WDPCP: variants seen among roughly 807,000 people sequenced by gnomAD.
WDPCP encodes the protein WD repeat containing planar cell polarity effector.
WDPCP carries 71 observed loss-of-function variants against 93.1 expected under a neutral mutation model. That is an observed-to-expected ratio of 0.76 (90% confidence interval 0.63 to 0.93). WDPCP has a LOEUF of 0.93. Ranked by LOEUF, WDPCP falls within the 40% of genes least tolerant of loss-of-function variation. WDPCP has a pLI of 0.00. For missense variants in WDPCP, 844 were observed against 887.4 expected, an observed-to-expected ratio of 0.95 and a Z score of 0.62; for synonymous variants, 315 against 315.0, an observed-to-expected ratio of 1.00 and a Z score of 0.00.
intron 9 of WDPCP, among the ~76,000 whole-genome samples, chr2:63,419,233 C>T (rs532851315): frequency 6.6e-6 from 1 of 152,306 alleles, no homozygotes; most frequent in South Asian, 2.1e-4. Flanking sequence ...ACCTCCACCT[C>T]CCGGGTTCAA....
At chr2:63,593,530 C>A (rs539495861), upstream of WDPCP, 11 of 470,878 alleles carry the variant, frequency 2.3e-5, no homozygotes, top group Non-Finnish European at 4.8e-5. Flanking sequence ...CTTGTTTCGT[C>A]TCAGAGACGT....
intron 1 of WDPCP, among the ~76,000 whole-genome samples, chr2:63,572,481 T>C (rs1293098091): frequency 6.6e-6 from 1 of 151,728 alleles, no homozygotes; most frequent in African/African-American, 2.4e-5. Flanking sequence ...GGTGGGCGGA[T>C]CACCTGAGGT....
intron 1 of WDPCP, among the ~76,000 whole-genome samples, chr2:63,528,715 TA>T (rs1330056434): frequency 6.6e-6 from 1 of 152,216 alleles, no homozygotes; most frequent in Admixed American, 6.5e-5. Flanking sequence ...TTTGGTTACA[TA>T]CGAACTTTAA....
intron 10 of WDPCP, 84 bp downstream of exon 10, chr2:63,403,964 C>A (rs908410586): frequency 5.7e-6 from 9 of 1,572,612 alleles, no homozygotes; most frequent in South Asian, 2.3e-5. Flanking sequence ...GAAAAATCTA[C>A]ATTCTAAGAA....
intron 14 of WDPCP, among the ~76,000 whole-genome samples, chr2:63,212,374 A>G (rs918488257): frequency 2.6e-5 from 4 of 152,234 alleles, no homozygotes; most frequent in Non-Finnish European, 4.4e-5. Flanking sequence ...AATAAGCTTC[A>G]TAAGTGCAGG....
intron 2 of WDPCP, among the ~76,000 whole-genome samples, chr2:63,775,018 T>C (rs541333325): frequency 7.9e-5 from 12 of 152,174 alleles, no homozygotes; most frequent in East Asian, 1.9e-4. Context: ...TGTTAGGCAA[T>C]AGCCTTTGCA....
chr2:63,123,167 A>G (rs1390691848), intron 17 of WDPCP, among the ~76,000 whole-genome samples: 3 of 152,118 alleles, frequency 2.0e-5, no homozygotes, highest in Admixed American at 2.0e-4. Flanking sequence ...ATTTAAAAAG[A>G]AAACTAAGCA....
chr2:63,597,696 T>C (rs1709344228), intron 3 of WDPCP: 35 of 860,900 alleles, frequency 4.1e-5, no homozygotes, highest in Non-Finnish European at 5.4e-5. Flanking sequence ...CATCAGTAAA[T>C]ACGGCTCTAG....
intron 2 of WDPCP, among the ~76,000 whole-genome samples, chr2:63,796,835 G>T (rs1670624767): frequency 6.6e-6 from 1 of 152,206 alleles, no homozygotes; most frequent in Non-Finnish European, 1.5e-5. Flanking sequence ...TGGACTTGAG[G>T]GGCACAAGAT....
intron 6 of WDPCP, among the ~76,000 whole-genome samples, chr2:63,484,356 A>T (rs1358501463): frequency 2.0e-5 from 3 of 151,998 alleles, no homozygotes; most frequent in Admixed American, 6.6e-5. Flanking sequence ...AAAAAAATAC[A>T]ATATGAAAAG....
intron 13 of WDPCP, among the ~76,000 whole-genome samples, chr2:63,272,923 A>G (rs376373880): frequency 6.6e-6 from 1 of 152,208 alleles, no homozygotes; most frequent in Admixed American, 6.5e-5. Context: ...AATAGATACA[A>G]TCCAAAAAGG....
intron 14 of WDPCP, among the ~76,000 whole-genome samples, chr2:63,210,415 AT>A (rs1223163130): frequency 2.6e-5 from 4 of 152,246 alleles, no homozygotes; most frequent in Non-Finnish European, 5.9e-5. Context: ...TTAAATTAAA[AT>A]TTGTGTAAAT....
chr2:63,175,881 C>T (rs1022375598), intron 14 of WDPCP, among the ~76,000 whole-genome samples: 3 of 152,100 alleles, frequency 2.0e-5, no homozygotes, highest in African/African-American at 7.2e-5. Context: ...GTGAATAATG[C>T]TGCTATGAAC....
intron 12 of WDPCP, among the ~76,000 whole-genome samples, chr2:63,367,547 C>A (rs989793756): frequency 2.0e-5 from 3 of 152,066 alleles, no homozygotes; most frequent in Non-Finnish European, 4.4e-5. Flanking sequence ...AGTAGCAAGA[C>A]ACTGGAAATT....
chr2:63,273,617 T>C (rs1682833603), intron 13 of WDPCP, among the ~76,000 whole-genome samples: 1 of 151,672 alleles, frequency 6.6e-6, no homozygotes, highest in Admixed American at 6.6e-5. Flanking sequence ...ATAAACAAAG[T>C]AAAGGGATAG....
At chr2:63,696,100 C>T (rs1024950622) in intron 2 of WDPCP, among the ~76,000 whole-genome samples, 1 of 151,976 alleles carries the variant, frequency 6.6e-6, no homozygotes, top group Non-Finnish European at 1.5e-5. Flanking sequence ...TAGAACCTTC[C>T]GGTGGACCTA....
At chr2:63,428,301 A>T (rs967007756) in intron 9 of WDPCP, among the ~76,000 whole-genome samples, 12 of 152,178 alleles carry the variant, frequency 7.9e-5, no homozygotes, top group Admixed American at 1.3e-4. Context: ...ACTTCAGGCC[A>T]ATATCCCTGA....
chr2:63,456,784 A>G (rs1008630911), intron 6 of WDPCP, among the ~76,000 whole-genome samples: 2 of 152,310 alleles, frequency 1.3e-5, no homozygotes, highest in East Asian at 3.9e-4. Context: ...TGGGAGGCTG[A>G]GGCAGGCGAA....
At chr2:63,675,813 A>C (rs566567312) in intron 2 of WDPCP, among the ~76,000 whole-genome samples, 91 of 152,360 alleles carry the variant, frequency 6.0e-4, no homozygotes, top group Non-Finnish European at 1.1e-3. Flanking sequence ...ATATGAAATA[A>C]TATCATTTAT....
Sources: gnomAD v4.1 joint callset for allele counts (sites outside exome capture counted in the v4.1 genomes callset) on GRCh38, gnomAD v4.1.1 for gene constraint, MANE v1.5 for transcripts, NCBI Gene and HGNC (gene_info 2026-07-23, HGNC 2026-07-21) for gene names.